Variants in HSPD1 observed in about 807,000 individuals in gnomAD.
HSPD1 encodes the protein heat shock protein family D (Hsp60) member 1, also known as 60 kDa heat shock protein, mitochondrial.
Under a neutral mutation model 53.0 loss-of-function variants are expected in HSPD1, and 3 were observed. The observed-to-expected ratio is 0.06, with a 90% CI of 0.03 to 0.15. HSPD1 has a LOEUF of 0.15. HSPD1 is among the 10% of genes least tolerant of loss of function. HSPD1 has a pLI of 1.00. For synonymous variants in HSPD1, 200 were observed against 228.0 expected, an observed-to-expected ratio of 0.88 and a Z score of 1.10; for missense variants, 431 against 694.1, an observed-to-expected ratio of 0.62 and a Z score of 4.26.
intron 8 of HSPD1, 65 bp downstream of exon 8, chr2:197,490,132 A>T (rs942816494): frequency 1.8e-6 from 2 of 1,135,714 alleles, no homozygotes; most frequent in African/African-American, 1.5e-5. Context: ...GAAATGTTAA[A>T]CTATCTATAA....
At chr2:197,491,406 C>T (rs1315290842) in intron 7 of HSPD1, among the ~76,000 whole-genome samples, 6 of 151,998 alleles carry the variant, frequency 3.9e-5, no homozygotes, top group Non-Finnish European at 5.9e-5. Context: ...ATGATCCACC[C>T]GCCTCGGCTT....
At chr2:197,492,086 G>A (rs956084587) in intron 7 of HSPD1, among the ~76,000 whole-genome samples, 1 of 152,252 alleles carries the variant, frequency 6.6e-6, no homozygotes, top group African/African-American at 2.4e-5. Context: ...GACCCCAAGA[G>A]TTCAAGGCTG....
chr2:197,499,621 T>C (rs913747204), intron 1 of HSPD1, among the ~76,000 whole-genome samples, 161 bp downstream of exon 1: 2 of 152,082 alleles, frequency 1.3e-5, no homozygotes, highest in African/African-American at 4.8e-5. Context: ...GGAACCCGCA[T>C]GGACCCGCGA....
chr2:197,489,462 A>G (rs2106071864), intron 8 of HSPD1, among the ~76,000 whole-genome samples: 2 of 152,318 alleles, frequency 1.3e-5, no homozygotes, highest in Middle Eastern at 3.4e-3. Context: ...AATTATTACC[A>G]GCCTTACTTG....
At chr2:197,489,615 T>C (rs969778791) in intron 8 of HSPD1, among the ~76,000 whole-genome samples, 16 of 152,106 alleles carry the variant, frequency 1.1e-4, no homozygotes, top group African/African-American at 3.4e-4. Context: ...ATCCCAGGAC[T>C]TTGGGAGGCG....
At chr2:197,490,514 C>A (rs150032849) in intron 7 of HSPD1, 11 of 559,626 alleles carry the variant, frequency 2.0e-5, no homozygotes, top group Middle Eastern at 4.8e-4. Flanking sequence ...TATACTTGTC[C>A]ATATCCGTTT....
At position 197,494,006 on chromosome 2, in the gene HSPD1, G is replaced by C; in HGVS notation, c.700+151C>G. 5.3e-6 allele frequency: 3 copies of C among 566,666 alleles called. No homozygotes were observed. In the East Asian group the frequency reaches 9.4e-5, roughly 18 times the overall value. The allele number at this position is 566,666 out of a possible 1,614,324, so 35.1% of individuals were successfully genotyped here. A position where few individuals can be genotyped will look rare whatever the true frequency, so the allele number is the denominator to read the frequency against. ...AATCCCAGCTACTTGGGAGACTGAG[G>C]CAAGAGAATCACTTGAACCCGGAAG... On this transcript the variant is annotated intron_variant, in intron 6 of 11. Transcript: ENST00000388968.
At chr2:197,497,900 T>C (rs1034859233) in intron 2 of HSPD1, among the ~76,000 whole-genome samples, 2 of 152,252 alleles carry the variant, frequency 1.3e-5, no homozygotes, top group African/African-American at 2.4e-5. Context: ...ATTTGTGAGG[T>C]GTGCAAATGT....
At chr2:197,499,151 G>C in intron 1 of HSPD1, 1 of 468,614 alleles carries the variant, frequency 2.1e-6, no homozygotes, top group South Asian at 2.1e-5. Context: ...CCGCGAAAAC[G>C]GCCTTGTGGG....
In HSPD1 at chr2:197,487,059, C is replaced by T; in HGVS notation, c.1709G>A (p.Gly570Asp). ...AMGGMGGGMGGGMF is the reference protein window; with the variant it reads ...AMGGMGGGMGDGMF ...CTAGTCTAGGAGTTAGAACATGCCA[C>T]CTCCCATACCACCTCCCATTCCACC... The change falls in exon 12 of 12, where the codon GGT becomes GAT. Residue 570 changes from glycine (G) to aspartate (D), a missense_variant. Coordinates refer to ENST00000388968, the MANE Select transcript of HSPD1 (RefSeq NM_002156.5). 1 of 1,482,560 alleles carries T rather than the reference C, an allele frequency of 6.7e-7. No homozygotes were observed. Among genetic ancestry groups the T allele is most frequent in the South Asian group, 1.1e-5 (1 of 88,530 alleles). The allele number at this position is 1,482,560 out of a possible 1,614,324, so 91.8% of individuals were successfully genotyped here.
rs2086125591 is a variant in HSPD1 at position 197,494,026 on chromosome 2, C to T, written c.700+131G>A. 7 of 592,932 alleles carry T rather than the reference C, an allele frequency of 1.2e-5. No homozygotes were observed. The South Asian group carries it at 1.2e-4, about 10-fold the overall frequency. 36.7% of individuals were successfully genotyped at this position (592,932 alleles called of 1,614,324 possible). Reference sequence around the variant, plus strand: ...CTGAGGCAAGAGAATCACTTGAACCCGGAAGGCGGAGGTTGCAGTGAGCAA... The same window carrying T: ...CTGAGGCAAGAGAATCACTTGAACCTGGAAGGCGGAGGTTGCAGTGAGCAA... On this transcript the variant is annotated intron_variant, in intron 6 of 11. Coordinates refer to ENST00000388968, the MANE Select transcript of HSPD1 (RefSeq NM_002156.5).
At chr2:197,496,480 C>T (rs1159909411) in intron 3 of HSPD1, among the ~76,000 whole-genome samples, 1 of 152,134 alleles carries the variant, frequency 6.6e-6, no homozygotes, top group Non-Finnish European at 1.5e-5. Context: ...CAAGAGGGTT[C>T]CTGGTTTGAA....
At chr2:197,498,579 G>A (rs556688798) in intron 2 of HSPD1, 96 bp downstream of exon 2, 11 of 1,081,336 alleles carry the variant, frequency 1.0e-5, no homozygotes, top group African/African-American at 7.9e-5. Flanking sequence ...TCTCAAAAAT[G>A]GAGATGAAAG....
Position 197,495,313 on chromosome 2 carries a change from G to C in HSPD1, c.491C>G (p.Thr164Ser). 1 of 1,606,294 alleles carries C rather than the reference G, an allele frequency of 6.2e-7. No homozygotes were observed. The highest frequency in any genetic ancestry group is 8.5e-7 in the Non-Finnish European group (1 of 1,173,154). The change falls in exon 4 of 12, where the codon ACC (threonine) becomes AGC (serine). Residue 164 changes from threonine to serine, a missense_variant. Thr to Ser is a moderately conservative substitution (Grantham distance 58, BLOSUM62 1). This residue lies in a region of HSPD1 where 386 missense variants were observed against 657.6 expected (regional missense o/e 0.59). Transcript: ENST00000388968. ...CCTTACCTGTGCAATTTCTTCAGGG[G>C]TGGTCACAGGTTTAGACTGCTTTTT... ...ELKKQSKPVT[T>S]PEEIAQVATI...
chr2:197,497,586 C>T, intron 2 of HSPD1, 194 bp from the exon 3 acceptor site: 1 of 617,266 alleles, frequency 1.6e-6, no homozygotes, highest in Admixed American at 2.9e-5. Context: ...TGACCTGATT[C>T]TCTGCCAAGA....
chr2:197,494,492 T>C lies in HSPD1; in HGVS notation c.606+165A>G, dbSNP rs1340515837. The C allele has an allele frequency of 7.8e-6, 5 of 638,728 alleles. No homozygotes were observed. The African/African-American group carries it at 9.2e-5, about 12-fold the overall frequency. 39.6% of individuals were successfully genotyped at this position (638,728 alleles called of 1,614,324 possible). ...GCTAATTCACATAAAACACAGTAAG[T>C]ACTTTATTCTATACATGTGCTGAGA... On this transcript the variant is annotated intron_variant, in intron 5 of 11. Coordinates refer to ENST00000388968, the MANE Select transcript of HSPD1 (RefSeq NM_002156.5).
At chr2:197,494,413 G>C in intron 5 of HSPD1, 163 bp from the exon 6 acceptor site, 1 of 641,020 alleles carries the variant, frequency 1.6e-6, no homozygotes. Context: ...AATCCCAAAA[G>C]TGCTTATTTG....
At chr2:197,487,385 A>G (rs1388636412) in intron 11 of HSPD1, among the ~76,000 whole-genome samples, 187 bp from the exon 12 acceptor site, 1 of 152,094 alleles carries the variant, frequency 6.6e-6, no homozygotes, top group Non-Finnish European at 1.5e-5. Context: ...CGTCTCTACT[A>G]AAAATACAAA....
chr2:197,491,309 C>G (rs1197925464), intron 7 of HSPD1, among the ~76,000 whole-genome samples: 1 of 151,536 alleles, frequency 6.6e-6, no homozygotes, highest in Non-Finnish European at 1.5e-5. Context: ...TGCCTCAGCC[C>G]GCCACCACGC....
Sources: allele counts gnomAD v4.1 joint callset (sites outside exome capture counted in the v4.1 genomes callset), GRCh38; gene constraint gnomAD v4.1.1; regional missense constraint gnomAD v4.1.1; transcripts MANE v1.5; gene names NCBI Gene and HGNC (gene_info 2026-07-23, HGNC 2026-07-21).